ZNF398: variants seen among roughly 807,000 people sequenced by gnomAD.
The protein encoded by ZNF398 is zinc finger protein 398.
A neutral mutation model predicts 41.9 loss-of-function variants in ZNF398; 18 were observed. The ratio of observed to expected loss-of-function variants is 0.43; its 90% CI spans 0.30 to 0.64. ZNF398 has a LOEUF of 0.64. ZNF398 is among the 30% of genes least tolerant of loss of function. ZNF398 has a pLI of 0.14. For missense variants in ZNF398, 669 were observed against 822.8 expected (o/e 0.81, Z 2.29); for synonymous variants, 260 against 308.8 (o/e 0.84, Z 1.66).
chr7:149,132,707 C>T (rs1175321547), intron 2 of ZNF398, among the ~76,000 whole-genome samples: 1 of 152,120 alleles, frequency 6.6e-6, no homozygotes, highest in African/African-American at 2.4e-5. Flanking sequence ...GAGCTTTCCA[C>T]TGGGCCAGTG....
At position 149,138,275 on chromosome 7, in the gene ZNF398, G is replaced by T. The variant is rs115616295; in HGVS notation, c.-490+9331G>T. ...TATTCAAGTATATTAAATAACAAAG[G>T]CAGGTTTCAAAACAGTATTTATGGC... On this transcript the variant is annotated intron_variant, in intron 2 of 6. Transcript: ENST00000426851. 3.7e-3 allele frequency among the ~76,000 whole-genome samples: 561 copies of T among 150,178 alleles called. 5 individuals carry two copies. Among genetic ancestry groups the T allele is most frequent in the African/African-American group, 0.013 (532 of 40,856 alleles).
At chr7:149,172,331 G>A (rs1011259440) in intron 4 of ZNF398, among the ~76,000 whole-genome samples, 9 of 152,118 alleles carry the variant, frequency 5.9e-5, no homozygotes, top group Non-Finnish European at 4.4e-5. Context: ...TCTCATCTGG[G>A]GCGTGAATCA....
At chr7:149,129,388 T>C (rs1826553688) in intron 2 of ZNF398, among the ~76,000 whole-genome samples, 1 of 152,084 alleles carries the variant, frequency 6.6e-6, no homozygotes, top group African/African-American at 2.4e-5. Context: ...TTTTTTATTG[T>C]TATTTTTTTG....
At chr7:149,140,009 A>T (rs1480346482) in intron 2 of ZNF398, among the ~76,000 whole-genome samples, 1 of 152,098 alleles carries the variant, frequency 6.6e-6, no homozygotes, top group African/African-American at 2.4e-5. Flanking sequence ...AGAAAAAAAT[A>T]ATAAAATAAA....
chr7:149,140,214 T>C (rs542606401), intron 2 of ZNF398, among the ~76,000 whole-genome samples: 2 of 152,194 alleles, frequency 1.3e-5, no homozygotes, highest in South Asian at 4.1e-4. Flanking sequence ...ACATTGACAG[T>C]ATATTTAGAG....
In ZNF398 at chr7:149,159,176, A is replaced by G. The variant is rs558100755; in HGVS notation, c.420+4836A>G. ...GAATTTTTAGAGGAACTCTGACCTC[A>G]AGTGATGCACCTGCCCTGGTCTCCC... On this transcript the variant is annotated intron_variant, in intron 2 of 5. Transcript: ENST00000475153. Among the ~76,000 whole-genome samples the G allele has an allele frequency of 3.3e-5, 5 of 151,824 alleles. No homozygotes were observed. In the East Asian group the frequency reaches 1.0e-3, roughly 30 times the overall value.
chr7:149,164,967 G>A (rs1174163223), intron 2 of ZNF398, among the ~76,000 whole-genome samples: 14 of 151,856 alleles, frequency 9.2e-5, no homozygotes, highest in Non-Finnish European at 1.9e-4. Context: ...GGTGGCGGGT[G>A]CCCGTAATCC....
At chr7:149,143,225 C>G (rs906993781), upstream of ZNF398, among the ~76,000 whole-genome samples, 2 of 152,256 alleles carry the variant, frequency 1.3e-5, no homozygotes, top group East Asian at 1.9e-4. Flanking sequence ...GATACTGAAG[C>G]AAGGTGGTGC....
chr7:149,165,240 T>C (rs995527543), intron 2 of ZNF398, among the ~76,000 whole-genome samples: 19 of 152,136 alleles, frequency 1.2e-4, no homozygotes, highest in African/African-American at 4.3e-4. Flanking sequence ...GATGGAGACA[T>C]TAAAACAGGA....
rs1199848697 is a variant in ZNF398 at position 149,181,016 on chromosome 7, A to C, written c.*1215A>C. On this transcript the variant is annotated 3_prime_UTR_variant, in exon 6 of 6. Coordinates refer to ENST00000475153, the MANE Select transcript of ZNF398 (RefSeq NM_170686.3). ...TGTGTTGCTTTTAGGGACTTTGACT[A>C]CCACATGTTCTTTTCTTGGGGTGAT... 6.6e-6 allele frequency: 1 copy of C among 152,582 alleles called. No individual in the cohort carries two copies. The highest frequency in any genetic ancestry group is 1.5e-5 in the Non-Finnish European group (1 of 68,028). 9.5% of individuals were successfully genotyped at this position (152,582 alleles called of 1,614,324 possible).
Position 149,170,138 on chromosome 7 carries a change from G to A in ZNF398, c.661+3208G>A, listed in dbSNP as rs146871749. ...TTCCAGACTCATAGAAGGAAAGCACGTGTTCTGCATATACCACACTGTTTG... is the reference window on the plus strand; with the variant it reads ...TTCCAGACTCATAGAAGGAAAGCACATGTTCTGCATATACCACACTGTTTG... On this transcript the variant is annotated intron_variant, in intron 4 of 5. Coordinates refer to ENST00000475153, the MANE Select transcript of ZNF398 (RefSeq NM_170686.3). 8.9e-4 allele frequency among the ~76,000 whole-genome samples: 135 copies of A among 152,300 alleles called. 1 individual carries two copies. The highest frequency in any genetic ancestry group is 3.4e-3 in the Middle Eastern group (1 of 294).
Position 149,148,863 on chromosome 7 carries a change from C to CTTTTTTTTTTTTTTTTTTTTTT in ZNF398, c.24+1104_24+1125dup, listed in dbSNP as rs59895177. Among the ~76,000 whole-genome samples the CTTTTTTTTTTTTTTTTTTTTTT allele has an allele frequency of 8.1e-4, 51 of 63,282 alleles. 8 individuals carry two copies. The highest frequency in any genetic ancestry group is 3.2e-3 in the African/African-American group (47 of 14,462). 41.5% of individuals were successfully genotyped at this position (63,282 alleles called of 152,430 possible). ...TTTATGCACGGACCTTTTTCTTTGT[C>CTTTTTTTTTTTTTTTTTTTTTT]TTTTTTTTTTTTTTTTTTTTTTTTT... On this transcript the variant is annotated intron_variant, in intron 1 of 5. Coordinates refer to ENST00000475153, the MANE Select transcript of ZNF398 (RefSeq NM_170686.3).
intron 4 of ZNF398, among the ~76,000 whole-genome samples, chr7:149,168,872 T>A (rs556638106): frequency 1.3e-5 from 2 of 152,252 alleles, no homozygotes; most frequent in South Asian, 4.1e-4. Flanking sequence ...TTTTTAAGAA[T>A]GTGTAGGTGA....
At chr7:149,157,773 G>C (rs964203830) in intron 2 of ZNF398, among the ~76,000 whole-genome samples, 1 of 151,338 alleles carries the variant, frequency 6.6e-6, no homozygotes, top group Non-Finnish European at 1.5e-5. Flanking sequence ...GGGAGGCGGA[G>C]GTCGCAGTGA....
intron 4 of ZNF398, among the ~76,000 whole-genome samples, chr7:149,176,085 C>G (rs539733827): frequency 3.9e-5 from 6 of 152,114 alleles, no homozygotes; most frequent in African/African-American, 1.4e-4. Flanking sequence ...GTAATCCCAG[C>G]ACTTTGGGAG....
At position 149,179,548 on chromosome 7, in the gene ZNF398, G is replaced by A. The variant is rs955403995; in HGVS notation, c.1676G>A (p.Arg559His). Reference sequence around the variant, plus strand: ...AAGCACCACCTAATGAAACACCAGCGCATCCACACCGGGGAGCGGCCCTAC... The same window carrying A: ...AAGCACCACCTAATGAAACACCAGCACATCCACACCGGGGAGCGGCCCTAC... ...IRKHHLMKHQ[R>H]IHTGERPYPC... is the part of the protein sequence containing the mutation. Residue 559 changes from arginine (R) to histidine (H), a missense_variant, in exon 6 of 6, where the codon CGC becomes CAC. Arg to His is a conservative substitution (Grantham distance 29). Around this residue, in one of 3 missense-constraint regions of ZNF398, gnomAD observed 210 missense variants for 290.4 expected, o/e 0.72. Transcript: ENST00000475153. This position sits in a 1 kb window ranked among gnomAD's most constrained non-coding sequence, Gnocchi z 6.1. 37 of 1,614,038 alleles carry A rather than the reference G, an allele frequency of 2.3e-5. No homozygotes were observed. Among genetic ancestry groups the A allele is most frequent in the Non-Finnish European group, 3.0e-5 (35 of 1,180,038 alleles).
At chr7:149,126,913 G>A (rs1428678474) in intron 1 of ZNF398, among the ~76,000 whole-genome samples, 1 of 152,092 alleles carries the variant, frequency 6.6e-6, no homozygotes, top group Non-Finnish European at 1.5e-5. Flanking sequence ...CTCCCCGAGC[G>A]TCCACACTCC....
chr7:149,163,436 G>A (rs1795154831), intron 2 of ZNF398, among the ~76,000 whole-genome samples: 1 of 144,194 alleles, frequency 6.9e-6, no homozygotes, highest in Admixed American at 6.9e-5. Context: ...ACAATGGTGT[G>A]ATCTCGGCTC....
chr7:149,131,876 C>T (rs1431847021), intron 2 of ZNF398, among the ~76,000 whole-genome samples: 1 of 152,152 alleles, frequency 6.6e-6, no homozygotes, highest in East Asian at 1.9e-4. Context: ...TTGCTTTTGA[C>T]ACTTTTAAAC....
Sources: allele counts gnomAD v4.1 joint callset (sites outside exome capture counted in the v4.1 genomes callset), GRCh38; gene constraint gnomAD v4.1.1; regional missense constraint gnomAD v4.1.1; non-coding constraint Gnocchi (gnomAD v3.1); transcripts MANE v1.5; gene names NCBI Gene and HGNC (gene_info 2026-07-23, HGNC 2026-07-21).